The following CTNND2 variants were observed in gnomAD, a reference collection of about 807,000 sequenced individuals.
CTNND2 encodes the protein catenin delta 2.
A neutral mutation model predicts 144.4 loss-of-function variants in CTNND2; 22 were observed. The observed-to-expected ratio is 0.15, with a 90% CI of 0.11 to 0.22. CTNND2 has a LOEUF of 0.22. CTNND2 is among the 10% of genes least tolerant of loss of function. The probability of loss-of-function intolerance (pLI) is 1.00; values close to 1 mark genes in which losing one functional copy is unlikely to be tolerated. For synonymous variants in CTNND2, 751 were observed against 695.6 expected (o/e 1.08, Z -1.25); for missense variants, 1,353 against 1,618.8 (o/e 0.84, Z 2.82).
chr5:11,007,475 G>T (rs982049861), intron 18 of CTNND2, among the ~76,000 whole-genome samples: 1 of 152,226 alleles, frequency 6.6e-6, no homozygotes, highest in Non-Finnish European at 1.5e-5. Context: ...CGGGCACGTG[G>T]TTATGACAGG....
intron 10 of CTNND2, among the ~76,000 whole-genome samples, chr5:11,236,425 T>A (rs758490396): frequency 6.6e-6 from 1 of 152,224 alleles, no homozygotes; most frequent in Non-Finnish European, 1.5e-5. Flanking sequence ...GTTCCAAGTA[T>A]GGCATTTGAC....
chr5:10,993,348 T>C (rs937009018), intron 18 of CTNND2, among the ~76,000 whole-genome samples: 2 of 152,230 alleles, frequency 1.3e-5, no homozygotes, highest in Admixed American at 6.5e-5. Flanking sequence ...TCACAGATTA[T>C]TTTGTGAATT....
chr5:11,552,668 C>T (rs2150086852), intron 3 of CTNND2, among the ~76,000 whole-genome samples: 1 of 152,302 alleles, frequency 6.6e-6, no homozygotes, highest in East Asian at 1.9e-4. Context: ...AATCTTCTAG[C>T]ACTCACTGCA....
At chr5:11,741,869 C>T (rs973880532) in intron 1 of CTNND2, among the ~76,000 whole-genome samples, 1 of 149,294 alleles carries the variant, frequency 6.7e-6, no homozygotes, top group African/African-American at 2.5e-5. Context: ...ACTACTCAGC[C>T]ATAAAAAGGA....
At chr5:11,320,956 G>C (rs1751972506) in intron 9 of CTNND2, among the ~76,000 whole-genome samples, 2 of 152,168 alleles carry the variant, frequency 1.3e-5, no homozygotes, top group Admixed American at 6.5e-5. Flanking sequence ...TCTATTTTTT[G>C]AATTTGATAA....
intron 2 of CTNND2, among the ~76,000 whole-genome samples, chr5:11,589,791 A>G (rs1779114621): frequency 6.6e-6 from 1 of 152,226 alleles, no homozygotes; most frequent in Non-Finnish European, 1.5e-5. Context: ...TCCACATTTT[A>G]TAATTAGACG....
rs574809575 is a variant in CTNND2, at chr5:11,018,031, T to G, written c.3027A>C (p.Ala1009=). 1.9e-6 allele frequency: 3 copies of G among 1,613,544 alleles called. No individual in the cohort carries two copies. The highest frequency in any genetic ancestry group is 2.5e-6 in the Non-Finnish European group (3 of 1,179,528). The change falls in exon 18 of 22, where the codon GCA becomes GCC. Residue 1009 remains alanine, a synonymous_variant. Transcript: ENST00000304623. ...DKHSPKVVKA[A]SQVLNSMWQY... ...GCCACATGCTGTTGAGGACCTGAGA[T>G]GCAGCCTTGACCACTTTTGGAGAGT...
intron 3 of CTNND2, among the ~76,000 whole-genome samples, chr5:11,560,138 T>C (rs568041588): frequency 1.3e-5 from 2 of 152,312 alleles, no homozygotes; most frequent in Admixed American, 1.3e-4. Flanking sequence ...TGAGGCAACA[T>C]GTACAATTCT....
At chr5:11,182,170 G>C (rs1029816039) in intron 11 of CTNND2, among the ~76,000 whole-genome samples, 3 of 142,696 alleles carry the variant, frequency 2.1e-5, no homozygotes, top group African/African-American at 7.8e-5. Context: ...TGTGGTGTGA[G>C]TGGGCGTGTG....
intron 3 of CTNND2, among the ~76,000 whole-genome samples, chr5:11,523,122 A>G (rs941840181): frequency 9.8e-5 from 15 of 152,332 alleles, no homozygotes; most frequent in African/African-American, 3.6e-4. Flanking sequence ...TAATCCACAT[A>G]TACTAGCTAT....
At chr5:11,404,928 C>T (rs915669633) in intron 5 of CTNND2, among the ~76,000 whole-genome samples, 4 of 152,024 alleles carry the variant, frequency 2.6e-5, no homozygotes, top group African/African-American at 4.8e-5. Flanking sequence ...TATGTTTTAA[C>T]TTTTGGGGAA....
intron 9 of CTNND2, among the ~76,000 whole-genome samples, chr5:11,268,050 T>C (rs1745634184): frequency 6.6e-6 from 1 of 152,140 alleles, no homozygotes; most frequent in East Asian, 1.9e-4. Context: ...TGGTAGAAGG[T>C]GTGATTCTAC....
At position 11,353,725 on chromosome 5, in the gene CTNND2, C is replaced by T. The variant is rs945330971; in HGVS notation, c.1373-7098G>A. Among the ~76,000 whole-genome samples the T allele has an allele frequency of 3.3e-4, 50 of 151,962 alleles. 1 individual carries two copies. The highest frequency in any genetic ancestry group is 1.0e-4 in the Non-Finnish European group (7 of 67,998). ...AGCTGAGGTAGGAGAACCGTTTGAA[C>T]CCAGGAGGCGGAGGTTGCAGTGATC... On this transcript the variant is annotated intron_variant, in intron 8 of 21. Coordinates refer to ENST00000304623, the MANE Select transcript of CTNND2 (RefSeq NM_001332.4).
At chr5:11,361,514 A>G (rs887742663) in intron 8 of CTNND2, among the ~76,000 whole-genome samples, 2 of 152,120 alleles carry the variant, frequency 1.3e-5, no homozygotes, top group Non-Finnish European at 2.9e-5. Flanking sequence ...ATATTACTCA[A>G]CATCTCTGTG....
chr5:11,151,899 T>C (rs1423436895), intron 12 of CTNND2, among the ~76,000 whole-genome samples: 1 of 152,198 alleles, frequency 6.6e-6, no homozygotes, highest in Non-Finnish European at 1.5e-5. Context: ...GGAAGAACTT[T>C]GGACAATGAT....
In CTNND2 at chr5:11,136,404, T is replaced by A. The variant is rs145895808; in HGVS notation, c.2160-18837A>T. 9.9e-4 allele frequency among the ~76,000 whole-genome samples: 151 copies of A among 151,808 alleles called. 4 individuals are homozygous for A. In the East Asian group the frequency reaches 0.025, roughly 25 times the overall value. On this transcript the variant is annotated intron_variant, in intron 12 of 21. Coordinates refer to ENST00000304623, the MANE Select transcript of CTNND2 (RefSeq NM_001332.4). ...TAAAGTATATTTGTTGCCACAGTGA[T>A]CAAGAGACACGAAAGAAGATAAAAT...
In CTNND2 at chr5:10,988,150, C is replaced by T. The variant is rs1310445398; in HGVS notation, c.3304G>A (p.Ala1102Thr). ...TTCCTGGAAGTGTGTTCGCCTTTAG[C>T]TCCGTGGTAGGTGGCGTTGCTGCCG... ...CTGSNATYHG[A>T]KGEHTSRKDA... Residue 1102 changes from alanine (A) to threonine (T), a missense_variant, in exon 20 of 22, where the codon GCT (alanine) becomes ACT (threonine). By Grantham distance (58) the Ala-to-Thr change is moderately conservative. Transcript: ENST00000304623. The surrounding 1 kb of genome is among the most constrained non-coding windows in gnomAD (Gnocchi z 5.9). The T allele has an allele frequency of 2.5e-6, 4 of 1,614,110 alleles. No homozygotes were observed. The highest frequency in any genetic ancestry group is 1.6e-4 in the Middle Eastern group (1 of 6,084).
intron 2 of CTNND2, among the ~76,000 whole-genome samples, chr5:11,696,910 TTTATA>T (rs1377625468): frequency 1.3e-5 from 2 of 152,216 alleles, no homozygotes; most frequent in Non-Finnish European, 2.9e-5. Flanking sequence ...ATTTTTGCCC[TTTATA>T]GAAAGAGCTG....
At chr5:11,472,439 GATTA>G (rs777995761) in intron 3 of CTNND2, among the ~76,000 whole-genome samples, 4 of 152,056 alleles carry the variant, frequency 2.6e-5, no homozygotes, top group Non-Finnish European at 5.9e-5. Context: ...ACAAACTTCA[GATTA>G]ATTTTCTTCC....
Sources: gnomAD v4.1 joint callset for allele counts (sites outside exome capture counted in the v4.1 genomes callset) on GRCh38, gnomAD v4.1.1 for gene constraint, Gnocchi (gnomAD v3.1) non-coding constraint, MANE v1.5 for transcripts, NCBI Gene and HGNC (gene_info 2026-07-23, HGNC 2026-07-21) for gene names.